SGPP2: variants seen among roughly 807,000 people sequenced by gnomAD.
SGPP2 encodes the protein sphingosine 1-phosphate phosphohydrolase 2.
SGPP2 carries 30 observed loss-of-function variants against 33.9 expected under a neutral mutation model. The ratio of observed to expected loss-of-function variants is 0.89; its 90% CI spans 0.66 to 1.20. The LOEUF (loss-of-function observed/expected upper bound fraction) is 1.20, where lower values mean the gene tolerates loss of function less well. SGPP2 is among the 50% of genes most tolerant of loss of function. The pLI is 0.00. For missense variants in SGPP2, 458 were observed against 532.1 expected, an observed-to-expected ratio of 0.86 and a Z score of 1.37; for synonymous variants, 233 against 225.0, an observed-to-expected ratio of 1.04 and a Z score of -0.32.
intron 2 of SGPP2, among the ~76,000 whole-genome samples, chr2:222,509,060 AC>A (rs1400987718): frequency 1.3e-5 from 2 of 152,184 alleles, no homozygotes; most frequent in African/African-American, 4.8e-5. Context: ...AATAACCATC[AC>A]CAAGAATTGC....
At chr2:222,425,291 A>T (rs555991611) in intron 1 of SGPP2, among the ~76,000 whole-genome samples, 2 of 150,386 alleles carry the variant, frequency 1.3e-5, no homozygotes, top group East Asian at 4.0e-4. Flanking sequence ...ACCGCGCTGC[A>T]CCGCCAGCTC....
intron 2 of SGPP2, among the ~76,000 whole-genome samples, chr2:222,485,848 C>T (rs1698098122): frequency 6.6e-6 from 1 of 152,214 alleles, no homozygotes; most frequent in Admixed American, 6.5e-5. Context: ...GAGAGGCTTT[C>T]CTTGGTTAAG....
chr2:222,524,555 A>G (rs1698729054), intron 3 of SGPP2, among the ~76,000 whole-genome samples: 1 of 152,232 alleles, frequency 6.6e-6, no homozygotes, highest in African/African-American at 2.4e-5. Flanking sequence ...AGCCCTGGCT[A>G]TCTATCTACC....
chr2:222,451,211 A>G (rs999247129), intron 1 of SGPP2, among the ~76,000 whole-genome samples: 1 of 152,088 alleles, frequency 6.6e-6, no homozygotes, highest in Non-Finnish European at 1.5e-5. Context: ...AACTTTCCAG[A>G]AACAATTTTC....
intron 2 of SGPP2, among the ~76,000 whole-genome samples, chr2:222,505,656 G>A (rs181357476): frequency 9.9e-5 from 15 of 152,006 alleles, no homozygotes; most frequent in South Asian, 6.2e-4. Flanking sequence ...AAATTAGGCC[G>A]GGCCTGGTGG....
At chr2:222,540,383 T>C (rs1698973940) in intron 4 of SGPP2, among the ~76,000 whole-genome samples, 1 of 152,226 alleles carries the variant, frequency 6.6e-6, no homozygotes, top group Non-Finnish European at 1.5e-5. Flanking sequence ...TTTGGGCATT[T>C]CAAATTTTGA....
chr2:222,509,717 A>G (rs964281991), intron 2 of SGPP2, among the ~76,000 whole-genome samples: 1 of 152,264 alleles, frequency 6.6e-6, no homozygotes, highest in African/African-American at 2.4e-5. Context: ...AAGGTACACC[A>G]GGACTTATCT....
chr2:222,440,772 G>A (rs1293335053), intron 1 of SGPP2, among the ~76,000 whole-genome samples: 1 of 151,666 alleles, frequency 6.6e-6, no homozygotes, highest in African/African-American at 2.4e-5. Context: ...TTCCTCCTCA[G>A]TCTACAAACA....
intron 2 of SGPP2, among the ~76,000 whole-genome samples, chr2:222,521,059 C>A (rs749429619): frequency 1.3e-5 from 2 of 152,228 alleles, no homozygotes; most frequent in Non-Finnish European, 2.9e-5. Context: ...TGCACCCAAC[C>A]TGAGTCTTTA....
At chr2:222,531,320 C>G (rs1430662479) in intron 4 of SGPP2, among the ~76,000 whole-genome samples, 1 of 152,134 alleles carries the variant, frequency 6.6e-6, no homozygotes, top group African/African-American at 2.4e-5. Context: ...TGTGCCTGTC[C>G]ACATACGATG....
chr2:222,526,373 T>C (rs1039238428), intron 4 of SGPP2, among the ~76,000 whole-genome samples: 1 of 152,150 alleles, frequency 6.6e-6, no homozygotes, highest in African/African-American at 2.4e-5. Flanking sequence ...GCCAGTCCTG[T>C]AATTTTACCT....
intron 2 of SGPP2, among the ~76,000 whole-genome samples, chr2:222,514,959 A>G (rs2106128220): frequency 6.6e-6 from 1 of 151,086 alleles, no homozygotes; most frequent in East Asian, 2.0e-4. Context: ...TCTCTTCCAT[A>G]TGTAATTTCT....
chr2:222,490,012 G>A (rs944290548), intron 2 of SGPP2, among the ~76,000 whole-genome samples: 5 of 152,116 alleles, frequency 3.3e-5, no homozygotes, highest in African/African-American at 1.2e-4. Flanking sequence ...GAAAGCCTGA[G>A]TTGCAGAAAA....
In SGPP2 at chr2:222,465,862, C is replaced by A. The variant is rs1428131520; in HGVS notation, c.220-8706C>A. 6.6e-6 allele frequency among the ~76,000 whole-genome samples: 1 copy of A among 152,146 alleles called. No individual in the cohort carries two copies. The highest frequency in any genetic ancestry group is 2.4e-5 in the African/African-American group (1 of 41,426). Reference sequence around the variant, plus strand: ...AGTGTTCTCTCTCTGACCCGCAGACCCTCAAAGAAGCAACACCTCTCCTTA... The same window carrying A: ...AGTGTTCTCTCTCTGACCCGCAGACACTCAAAGAAGCAACACCTCTCCTTA... On this transcript the variant is annotated intron_variant, in intron 1 of 4. Coordinates refer to ENST00000321276, the MANE Select transcript of SGPP2 (RefSeq NM_152386.4). This position sits in a 1 kb window ranked among gnomAD's most constrained non-coding sequence, Gnocchi z 4.1.
intron 1 of SGPP2, among the ~76,000 whole-genome samples, chr2:222,454,054 C>T (rs1279092220): frequency 6.6e-6 from 1 of 151,770 alleles, no homozygotes; most frequent in Non-Finnish European, 1.5e-5. Flanking sequence ...AGTGTAGATG[C>T]ATTTTGTAAT....
intron 1 of SGPP2, among the ~76,000 whole-genome samples, chr2:222,459,142 C>CTTTTTTTTTTTTTTTTTT (rs1164145783): frequency 3.2e-5 from 3 of 94,472 alleles, no homozygotes; most frequent in Non-Finnish European, 4.3e-5. Flanking sequence ...TTCTTTCTTT[C>CTTTTTTTTTTTTTTTTTT]TTTTTTTTTT....
At position 222,538,248 on chromosome 2, in the gene SGPP2, C is replaced by A. The variant is rs1698942741; in HGVS notation, c.648+13215C>A. Among the ~76,000 whole-genome samples the A allele has an allele frequency of 5.9e-5, 9 of 152,156 alleles. 1 individual carries two copies. In the South Asian group the frequency reaches 1.9e-3, roughly 32 times the overall value. ...GCTGTGGTTTTGACCTGACTCTGAG[C>A]ATTTGTTGAAACTCATTGAATTGTA... On this transcript the variant is annotated intron_variant, in intron 4 of 4. Transcript: ENST00000321276.
At chr2:222,478,675 T>G (rs1244650242) in intron 2 of SGPP2, among the ~76,000 whole-genome samples, 1 of 152,256 alleles carries the variant, frequency 6.6e-6, no homozygotes, top group East Asian at 1.9e-4. Context: ...GCTTGGCACA[T>G]TTTATATTAA....
Position 222,465,772 on chromosome 2 carries a change from CCT to C in SGPP2, c.220-8791_220-8790del, listed in dbSNP as rs1340416066. ...TTCACGTCTGCTCTTGAGGTCATCT[CCT>C]CTCTGTCTCTTTCACACATATCCCA... On this transcript the variant is annotated intron_variant, in intron 1 of 4. Transcript: ENST00000321276. This position sits in a 1 kb window ranked among gnomAD's most constrained non-coding sequence, Gnocchi z 4.1. 6.6e-6 allele frequency among the ~76,000 whole-genome samples: 1 copy of C among 152,134 alleles called. No individual in the cohort carries two copies. Among genetic ancestry groups the C allele is most frequent in the Non-Finnish European group, 1.5e-5 (1 of 68,028 alleles).
Sources: gnomAD v4.1 joint callset for allele counts (sites outside exome capture counted in the v4.1 genomes callset) on GRCh38, gnomAD v4.1.1 for gene constraint, Gnocchi (gnomAD v3.1) non-coding constraint, MANE v1.5 for transcripts, NCBI Gene and HGNC (gene_info 2026-07-23, HGNC 2026-07-21) for gene names.